The following TFPI variants were observed in gnomAD, a reference collection of about 807,000 sequenced individuals.
TFPI encodes anti-convertin.
In TFPI, 15 loss-of-function variants were observed where a neutral mutation model predicts 34.6. The observed-to-expected ratio is 0.43, with a 90% CI of 0.29 to 0.67. The LOEUF (loss-of-function observed/expected upper bound fraction) is 0.67, where lower values mean the gene tolerates loss of function less well. Among genes scored for constraint, TFPI ranks in the 30% least tolerant of loss-of-function variants. The pLI, the probability that TFPI is intolerant of heterozygous loss-of-function variation, is 0.15. For synonymous variants in TFPI, 105 were observed against 120.1 expected (o/e 0.87, Z 0.82); for missense variants, 301 against 364.0 (o/e 0.83, Z 1.41).
intron 1 of TFPI, among the ~76,000 whole-genome samples, chr2:187,525,075 AGAAAG>A (rs1288788951): frequency 6.6e-6 from 1 of 152,132 alleles, no homozygotes; most frequent in African/African-American, 2.4e-5. Context: ...AGAGGACACA[AGAAAG>A]GAAAGGAAAG....
At chr2:187,490,852 A>G (rs936271379) in intron 3 of TFPI, among the ~76,000 whole-genome samples, 2 of 150,676 alleles carry the variant, frequency 1.3e-5, no homozygotes, top group African/African-American at 4.9e-5. Context: ...TTTAATAATA[A>G]TTTCATCTTC....
rs1475438336 is a variant in TFPI, at chr2:187,487,175, T to C, written c.358+1162A>G. On this transcript the variant is annotated intron_variant, in intron 4 of 7. Transcript: ENST00000233156. Reference sequence around the variant, plus strand: ...TCCTAATATTTAAAGGTTGGTATTTTCTTTCACAAAAATATTTATTCTCCT... The same window carrying C: ...TCCTAATATTTAAAGGTTGGTATTTCCTTTCACAAAAATATTTATTCTCCT... 2.0e-5 allele frequency among the ~76,000 whole-genome samples: 3 copies of C among 151,562 alleles called. No homozygotes were observed. The East Asian group carries it at 5.8e-4, about 29-fold the overall frequency.
chr2:187,516,634 C>T (rs2106187543), intron 1 of TFPI: 1 of 152,244 alleles, frequency 6.6e-6, no homozygotes, highest in South Asian at 2.1e-4. Flanking sequence ...GAGACCACCT[C>T]TCATATTGTC....
At chr2:187,483,145 G>A (rs188391390) in intron 6 of TFPI, among the ~76,000 whole-genome samples, 9 of 152,054 alleles carry the variant, frequency 5.9e-5, no homozygotes, top group Admixed American at 5.3e-4. Flanking sequence ...CTGTTGGCTT[G>A]CTTGCTTAGT....
At chr2:187,511,757 C>T (rs937129113) in intron 1 of TFPI, among the ~76,000 whole-genome samples, 3 of 151,872 alleles carry the variant, frequency 2.0e-5, no homozygotes, top group Non-Finnish European at 2.9e-5. Flanking sequence ...GTTTTAGATC[C>T]GCCTCACAGT....
chr2:187,512,272 T>A (rs1686691467), intron 1 of TFPI, among the ~76,000 whole-genome samples: 2 of 123,254 alleles, frequency 1.6e-5, no homozygotes, highest in Admixed American at 1.7e-4. Flanking sequence ...AGAAGTATCC[T>A]AAGTTAAAAA....
intron 1 of TFPI, among the ~76,000 whole-genome samples, chr2:187,543,222 T>A (rs1688674999): frequency 6.6e-6 from 1 of 152,228 alleles, no homozygotes; most frequent in Non-Finnish European, 1.5e-5. Context: ...ACGTTCATAT[T>A]TATTTTACTA....
At position 187,503,785 on chromosome 2, in the gene TFPI, C is replaced by G. The variant is rs1168756516; in HGVS notation, c.-2-15G>C. On this transcript the variant is annotated splice_polypyrimidine_tract_variant and intron_variant, in intron 1 of 7. Transcript: ENST00000233156. The stretch of plus-strand genomic sequence containing the variant: ...GTAAATCATCTCTGAAATACAGAAC[C>G]CATACATATCTAATAAATAAAGTGT... 2.5e-6 allele frequency: 4 copies of G among 1,609,268 alleles called. No homozygotes were observed. In the South Asian group the frequency reaches 4.4e-5, roughly 18 times the overall value.
chr2:187,526,199 A>C (rs900864014), intron 1 of TFPI, among the ~76,000 whole-genome samples: 3 of 152,186 alleles, frequency 2.0e-5, no homozygotes, highest in African/African-American at 7.2e-5. Context: ...GTCTAAAAAT[A>C]TAACTGAAAA....
intron 6 of TFPI, among the ~76,000 whole-genome samples, chr2:187,481,937 CATTT>C (rs1469528224): frequency 1.3e-5 from 2 of 151,886 alleles, no homozygotes; most frequent in African/African-American, 2.4e-5. Flanking sequence ...CTTTTACAAG[CATTT>C]ATTTATTTGT....
chr2:187,507,309 T>G (rs1403696735), intron 1 of TFPI, among the ~76,000 whole-genome samples: 2 of 152,220 alleles, frequency 1.3e-5, no homozygotes, highest in Non-Finnish European at 2.9e-5. Flanking sequence ...AGTCTATCAT[T>G]GATAGGCATT....
intron 1 of TFPI, among the ~76,000 whole-genome samples, chr2:187,544,049 G>T (rs1688721132): frequency 6.6e-6 from 1 of 152,168 alleles, no homozygotes; most frequent in South Asian, 2.1e-4. Flanking sequence ...CTCTAATGCA[G>T]GCTAATAAAT....
At chr2:187,535,764 A>G (rs1688215872) in intron 1 of TFPI, among the ~76,000 whole-genome samples, 1 of 152,194 alleles carries the variant, frequency 6.6e-6, no homozygotes, top group African/African-American at 2.4e-5. Context: ...TAGAGACAGG[A>G]AAAACTTCAA....
chr2:187,472,578 TG>T (rs1692108799), intron 6 of TFPI, among the ~76,000 whole-genome samples: 1 of 152,176 alleles, frequency 6.6e-6, no homozygotes, highest in Non-Finnish European at 1.5e-5. Context: ...TTCTTCCCCA[TG>T]CCAACAAAAG....
At chr2:187,477,378 G>A (rs1187672473) in intron 6 of TFPI, among the ~76,000 whole-genome samples, 1 of 152,200 alleles carries the variant, frequency 6.6e-6, no homozygotes, top group Non-Finnish European at 1.5e-5. Flanking sequence ...GGATGTTCCT[G>A]TGCTTCTTGG....
rs372340221 is a variant in TFPI, at chr2:187,464,414, TAAAG to T, written c.*2518_*2521del. 88 of 152,184 alleles carry T rather than the reference TAAAG, an allele frequency of 5.8e-4. No homozygotes were observed. The East Asian group carries it at 0.011, about 19-fold the overall frequency. The allele number at this position is 152,184 out of a possible 1,614,324, so 9.4% of individuals were successfully genotyped here. On this transcript the variant is annotated 3_prime_UTR_variant, in exon 8 of 8. Transcript: ENST00000233156. ...GTTAGATGCACTTAATTGTGGAAAATAAAGGAAGACAATAACATCAAGATCTTTT... is the reference window on the plus strand; with the variant it reads ...GTTAGATGCACTTAATTGTGGAAAATGAAGACAATAACATCAAGATCTTTT...
intron 7 of TFPI, among the ~76,000 whole-genome samples, chr2:187,467,390 TTA>T (rs1691772943): frequency 1.3e-5 from 2 of 152,032 alleles, no homozygotes; most frequent in South Asian, 4.1e-4. Flanking sequence ...TCTTAGTCTT[TTA>T]TAAACATGCA....
chr2:187,534,866 G>C (rs1200467819), intron 1 of TFPI, among the ~76,000 whole-genome samples: 2 of 149,682 alleles, frequency 1.3e-5, no homozygotes, highest in Non-Finnish European at 3.0e-5. Flanking sequence ...TAAAGGGATA[G>C]AGGAATATTG....
intron 1 of TFPI, among the ~76,000 whole-genome samples, chr2:187,508,567 C>G (rs571808870): frequency 2.6e-5 from 4 of 151,972 alleles, no homozygotes; most frequent in African/African-American, 9.7e-5. Flanking sequence ...TTCTCTTTGT[C>G]GCAATTGTGA....
Sources: allele counts gnomAD v4.1 joint callset (sites outside exome capture counted in the v4.1 genomes callset), GRCh38; gene constraint gnomAD v4.1.1; transcripts MANE v1.5; gene names NCBI Gene and HGNC (gene_info 2026-07-23, HGNC 2026-07-21).